Variants in ALDH1L1 observed in about 807,000 individuals in gnomAD.
ALDH1L1 encodes aldehyde dehydrogenase 1 family member L1, also known as cytosolic 10-formyltetrahydrofolate dehydrogenase.
A neutral mutation model predicts 101.1 loss-of-function variants in ALDH1L1; 68 were observed. The ratio of observed to expected loss-of-function variants is 0.67; its 90% CI spans 0.55 to 0.82. The LOEUF (loss-of-function observed/expected upper bound fraction) is 0.82. ALDH1L1 is among the 40% of genes least tolerant of loss of function. ALDH1L1 has a pLI of 0.00. For missense variants in ALDH1L1, 1,087 were observed against 1,172.7 expected (o/e 0.93, Z 1.07); for synonymous variants, 486 against 470.8 (o/e 1.03, Z -0.42).
At chr3:126,154,698 C>T (rs2080871705) in intron 5 of ALDH1L1, 55 bp from the exon 6 acceptor site, 1 of 1,535,076 alleles carries the variant, frequency 6.5e-7, no homozygotes, top group Non-Finnish European at 9.0e-7. Flanking sequence ...CCCCTCCCAC[C>T]CTGATGACAT....
chr3:126,178,746 T>TTG (rs112510826), intron 1 of ALDH1L1, among the ~76,000 whole-genome samples: 22,796 of 149,826 alleles, frequency 0.15, 1,775 homozygotes, highest in African/African-American at 0.2. Flanking sequence ...AGGCTTAAGT[T>TTG]TGTGTGTGTG....
intron 1 of ALDH1L1, chr3:126,179,837 C>CTT (rs1213359577): frequency 1.3e-5 from 2 of 152,160 alleles, no homozygotes; most frequent in East Asian, 3.9e-4. Flanking sequence ...CCTGAGCTCT[C>CTT]GATAGCGGGG....
chr3:126,105,464 C>T (rs1478344546), intron 22 of ALDH1L1: 1 of 498,702 alleles, frequency 2.0e-6, no homozygotes. Flanking sequence ...TGCCACCACA[C>T]CAGAGAGGCC....
intron 15 of ALDH1L1, 67 bp from the exon 16 acceptor site, chr3:126,124,518 C>A: frequency 3.1e-6 from 4 of 1,292,558 alleles, no homozygotes; most frequent in African/African-American, 1.5e-5. Flanking sequence ...TGCCTTCCCT[C>A]CCCGCCTTCC....
chr3:126,159,489 G>C (rs1262731945), intron 2 of ALDH1L1: 1 of 456,732 alleles, frequency 2.2e-6, no homozygotes, highest in Non-Finnish European at 4.4e-6. Flanking sequence ...CTCTGTTAGA[G>C]CCTCTGGTGT....
At chr3:126,121,955 C>T (rs973050281) in intron 16 of ALDH1L1, among the ~76,000 whole-genome samples, 6 of 152,142 alleles carry the variant, frequency 3.9e-5, no homozygotes, top group Admixed American at 2.0e-4. Context: ...CCACCCAGAC[C>T]GCACTCATAA....
At chr3:126,110,308 G>T in intron 19 of ALDH1L1, 199 bp from the exon 20 acceptor site, 1 of 657,390 alleles carries the variant, frequency 1.5e-6, no homozygotes, top group Non-Finnish European at 2.6e-6. Context: ...AGGGACAGAA[G>T]TCTCCAAGGA....
At chr3:126,168,987 A>G (rs1157414095) in intron 1 of ALDH1L1, among the ~76,000 whole-genome samples, 1 of 152,138 alleles carries the variant, frequency 6.6e-6, no homozygotes, top group East Asian at 1.9e-4. Flanking sequence ...ATTATCTTCA[A>G]AACGTGGTTT....
In ALDH1L1 at chr3:126,112,777, C is replaced by G. The variant is rs1481953924; in HGVS notation, c.2181+5G>C. On this transcript the variant is annotated splice_donor_5th_base_variant and intron_variant, in intron 19 of 22. Coordinates refer to ENST00000393434, the MANE Select transcript of ALDH1L1 (RefSeq NM_012190.4). ...GCCGCCCGCAGACCCTGGGGCAGGA[C>G]TTACCACTCTCCGCACGAACTCATC... is the stretch of plus-strand genomic sequence containing the variant. 1 of 1,612,754 alleles carries G rather than the reference C, an allele frequency of 6.2e-7. No individual in the cohort carries two copies. Among genetic ancestry groups the G allele is most frequent in the Admixed American group, 1.7e-5 (1 of 60,022 alleles).
intron 14 of ALDH1L1, among the ~76,000 whole-genome samples, chr3:126,126,783 T>G (rs141594678): frequency 2.8e-3 from 426 of 152,336 alleles, no homozygotes; most frequent in African/African-American, 9.7e-3. Flanking sequence ...CTCCAGAGTC[T>G]AATGGCATGC....
At chr3:126,150,800 C>T (rs1385845850) in intron 7 of ALDH1L1, 4 of 327,172 alleles carry the variant, frequency 1.2e-5, no homozygotes, top group Non-Finnish European at 2.3e-5. Flanking sequence ...CCTCATGATC[C>T]ATCCACCTTG....
intron 9 of ALDH1L1, among the ~76,000 whole-genome samples, chr3:126,142,694 A>G (rs2080590056): frequency 1.3e-5 from 2 of 152,230 alleles, no homozygotes; most frequent in African/African-American, 4.8e-5. Context: ...AACATCCTTT[A>G]TATAATAAAG....
chr3:126,153,289 G>T, intron 7 of ALDH1L1, 155 bp downstream of exon 7: 1 of 1,161,240 alleles, frequency 8.6e-7, no homozygotes, highest in Non-Finnish European at 1.2e-6. Flanking sequence ...GGACCAGCCG[G>T]GTGGTCAGGG....
At chr3:126,104,982 G>A (rs1365214009) in intron 22 of ALDH1L1, 3 of 157,554 alleles carry the variant, frequency 1.9e-5, no homozygotes, top group African/African-American at 2.4e-5. Context: ...AGAGCAGGAC[G>A]AGGCCCAAGG....
chr3:126,157,618 G>A (rs2080941833), intron 3 of ALDH1L1, 110 bp from the exon 4 acceptor site: 3 of 1,249,948 alleles, frequency 2.4e-6, no homozygotes, highest in East Asian at 4.7e-5. Context: ...TCTTCCCAGG[G>A]GTAGGACTGA....
intron 9 of ALDH1L1, among the ~76,000 whole-genome samples, chr3:126,138,319 A>C (rs2080495671): frequency 6.6e-6 from 1 of 152,198 alleles, no homozygotes; most frequent in Non-Finnish European, 1.5e-5. Context: ...TAATCTCCAA[A>C]AATCTCTGTT....
intron 14 of ALDH1L1, among the ~76,000 whole-genome samples, chr3:126,128,141 T>C (rs1576433157): frequency 6.6e-6 from 1 of 152,086 alleles, no homozygotes; most frequent in African/African-American, 2.4e-5. Context: ...TTTGATTCCA[T>C]GTCAAGGGCA....
At chr3:126,131,970 T>C (rs921842740) in intron 12 of ALDH1L1, among the ~76,000 whole-genome samples, 24 of 152,188 alleles carry the variant, frequency 1.6e-4, no homozygotes, top group Non-Finnish European at 7.4e-5. Flanking sequence ...TCCAGGATGG[T>C]GGGGGCATGC....
At chr3:126,171,723 C>T (rs1219073100) in intron 1 of ALDH1L1, among the ~76,000 whole-genome samples, 1 of 152,132 alleles carries the variant, frequency 6.6e-6, no homozygotes, top group East Asian at 1.9e-4. Context: ...CACCCAGGGC[C>T]TAACTAACCT....
Sources: gnomAD v4.1 joint callset for allele counts (sites outside exome capture counted in the v4.1 genomes callset) on GRCh38, gnomAD v4.1.1 for gene constraint, MANE v1.5 for transcripts, NCBI Gene and HGNC (gene_info 2026-07-23, HGNC 2026-07-21) for gene names.